PRSS23: variants seen among roughly 807,000 people sequenced by gnomAD.
PRSS23 encodes protease, serine 23.
Under a neutral mutation model 34.7 loss-of-function variants are expected in PRSS23, and 25 were observed. That is an observed-to-expected ratio of 0.72 (90% CI 0.53 to 1.01). The LOEUF (loss-of-function observed/expected upper bound fraction) is 1.01, where lower values mean the gene tolerates loss of function less well. Ranked by LOEUF, PRSS23 falls within the 50% of genes least tolerant of loss-of-function variation. The probability of loss-of-function intolerance (pLI) is 0.00; values close to 1 mark genes in which losing one functional copy is unlikely to be tolerated. For missense variants in PRSS23, 445 were observed against 475.6 expected (o/e 0.94, Z 0.60); for synonymous variants, 176 against 186.6 (o/e 0.94, Z 0.46).
At chr11:86,928,330 A>G (rs1395776407) in intron 2 of PRSS23, among the ~76,000 whole-genome samples, 1 of 148,416 alleles carries the variant, frequency 6.7e-6, no homozygotes, top group Non-Finnish European at 1.5e-5. Flanking sequence ...CATATGTTTA[A>G]TATTGCATTA....
At chr11:86,916,239 A>C (rs1375688080) in intron 2 of PRSS23, among the ~76,000 whole-genome samples, 1 of 152,218 alleles carries the variant, frequency 6.6e-6, no homozygotes, top group Non-Finnish European at 1.5e-5. Flanking sequence ...TTACAAAAAA[A>C]ACCCATAAAC....
upstream of PRSS23, among the ~76,000 whole-genome samples, chr11:86,799,581 C>T (rs72969422): frequency 0.085 from 12,935 of 152,148 alleles, 796 homozygotes; most frequent in Non-Finnish European, 0.12. Flanking sequence ...AGCTCTTGAC[C>T]GAAAACGCTC....
At chr11:86,879,071 C>T (rs556736191) in intron 2 of PRSS23, among the ~76,000 whole-genome samples, 6 of 141,920 alleles carry the variant, frequency 4.2e-5, no homozygotes, top group Non-Finnish European at 7.8e-5. Flanking sequence ...CGTCTCTGCC[C>T]GGCCGCCATC....
chr11:86,898,567 C>T (rs1484209108), intron 2 of PRSS23, among the ~76,000 whole-genome samples: 3 of 152,280 alleles, frequency 2.0e-5, no homozygotes, highest in Non-Finnish European at 4.4e-5. Flanking sequence ...ACAAATGAAG[C>T]GGAGCACCTT....
intron 2 of PRSS23, among the ~76,000 whole-genome samples, chr11:86,924,147 G>A (rs1443388182): frequency 6.6e-6 from 1 of 152,116 alleles, no homozygotes; most frequent in Non-Finnish European, 1.5e-5. Flanking sequence ...ACCAGCTTCA[G>A]AAGACAAGGC....
At chr11:86,793,938 A>C (rs185753851) in intron 1 of PRSS23, among the ~76,000 whole-genome samples, 354 of 152,280 alleles carry the variant, frequency 2.3e-3, no homozygotes, top group African/African-American at 8.1e-3. Context: ...TCTAAAAAAC[A>C]TAAGTTAAAC....
intron 2 of PRSS23, among the ~76,000 whole-genome samples, chr11:86,849,782 T>C (rs1305772725): frequency 6.6e-6 from 1 of 152,112 alleles, no homozygotes; most frequent in Non-Finnish European, 1.5e-5. Flanking sequence ...GGAAGCAGAA[T>C]AGTTCACTGT....
chr11:86,800,282 T>G, upstream of PRSS23: 1 of 208,884 alleles, frequency 4.8e-6, no homozygotes, highest in Non-Finnish European at 8.3e-6. Context: ...CGGTGCTGCC[T>G]GGCGCCGAGA....
At chr11:86,905,471 G>T (rs567296855) in intron 2 of PRSS23, among the ~76,000 whole-genome samples, 1 of 151,960 alleles carries the variant, frequency 6.6e-6, no homozygotes, top group Non-Finnish European at 1.5e-5. Flanking sequence ...GTTATTTCCC[G>T]CCACAAGCAG....
At chr11:86,887,527 C>T (rs1029669277) in intron 2 of PRSS23, among the ~76,000 whole-genome samples, 1 of 152,178 alleles carries the variant, frequency 6.6e-6, no homozygotes, top group Non-Finnish European at 1.5e-5. Context: ...CAAATATTCC[C>T]TGTGAGCACA....
chr11:86,854,563 T>C (rs968605923), intron 2 of PRSS23, among the ~76,000 whole-genome samples: 3 of 152,244 alleles, frequency 2.0e-5, no homozygotes, highest in African/African-American at 4.8e-5. Context: ...ATGCTTTTGG[T>C]GTCTTATCCC....
At chr11:86,879,235 G>A (rs1433611860) in intron 2 of PRSS23, among the ~76,000 whole-genome samples, 7 of 140,708 alleles carry the variant, frequency 5.0e-5, no homozygotes, top group South Asian at 2.4e-4. Flanking sequence ...CTGCCCCGCC[G>A]CCCCGTCTGG....
intron 1 of PRSS23, among the ~76,000 whole-genome samples, chr11:86,820,992 C>T (rs1268115833): frequency 6.6e-6 from 1 of 152,102 alleles, no homozygotes; most frequent in Non-Finnish European, 1.5e-5. Context: ...AAAAGTATTT[C>T]CCATTTTAAA....
At chr11:86,835,610 G>A (rs1307609348) in intron 2 of PRSS23, among the ~76,000 whole-genome samples, 3 of 152,100 alleles carry the variant, frequency 2.0e-5, no homozygotes, top group Non-Finnish European at 2.9e-5. Flanking sequence ...ATCCATATTC[G>A]GCAGAAACCT....
intron 2 of PRSS23, among the ~76,000 whole-genome samples, chr11:86,923,356 T>C (rs1197135296): frequency 6.6e-6 from 1 of 152,160 alleles, no homozygotes; most frequent in Non-Finnish European, 1.5e-5. Flanking sequence ...CGAACTCAAG[T>C]GATCCTCCCA....
intron 1 of PRSS23, among the ~76,000 whole-genome samples, chr11:86,791,875 C>T (rs551722090): frequency 6.6e-6 from 1 of 152,236 alleles, no homozygotes; most frequent in African/African-American, 2.4e-5. Flanking sequence ...TGCATGACAT[C>T]TTCTTCAATG....
exon 3 of PRSS23, chr11:86,951,867 G>C: frequency 6.2e-7 from 1 of 1,613,554 alleles, no homozygotes; most frequent in East Asian, 2.2e-5. Context: ...GTGTTCTTAA[G>C]TCCTTCTTGG....
chr11:86,881,816 A>C (rs554492277), intron 2 of PRSS23, among the ~76,000 whole-genome samples: 1 of 152,256 alleles, frequency 6.6e-6, no homozygotes, highest in Admixed American at 6.5e-5. Context: ...TCTTGAGTCA[A>C]ATTCATTAGT....
intron 2 of PRSS23, chr11:86,951,068 CTT>C: frequency 6.6e-7 from 1 of 1,521,606 alleles, no homozygotes; most frequent in Non-Finnish European, 9.1e-7. Context: ...CTGCATAAAA[CTT>C]TTAGTAGAAT....
Sources: gnomAD v4.1 joint callset for allele counts (sites outside exome capture counted in the v4.1 genomes callset) on GRCh38, gnomAD v4.1.1 for gene constraint, MANE v1.5 for transcripts, NCBI Gene and HGNC (gene_info 2026-07-23, HGNC 2026-07-21) for gene names.